GABRB2: variants seen among roughly 807,000 people sequenced by gnomAD.
GABRB2 encodes the protein gamma-aminobutyric acid type A receptor subunit beta2, also known as gamma-aminobutyric acid receptor subunit beta-2.
A neutral mutation model predicts 54.7 loss-of-function variants in GABRB2; 16 were observed. The ratio of observed to expected loss-of-function variants is 0.29; its 90% CI spans 0.20 to 0.44. GABRB2 has a LOEUF of 0.44. Among genes scored for constraint, GABRB2 ranks in the 20% least tolerant of loss-of-function variants. GABRB2 has a pLI of 1.00. For synonymous variants in GABRB2, 244 were observed against 233.8 expected, an observed-to-expected ratio of 1.04 and a Z score of -0.40; for missense variants, 355 against 644.0, an observed-to-expected ratio of 0.55 and a Z score of 4.86.
chr5:161,523,370 C>T (rs1232065364), intron 3 of GABRB2, among the ~76,000 whole-genome samples: 3 of 151,322 alleles, frequency 2.0e-5, no homozygotes, highest in Admixed American at 6.6e-5. Flanking sequence ...GCTAAAAATC[C>T]GACTGTGTTA....
At chr5:161,325,262 G>C (rs143199060) in intron 9 of GABRB2, among the ~76,000 whole-genome samples, 1 of 152,240 alleles carries the variant, frequency 6.6e-6, no homozygotes, top group East Asian at 1.9e-4. Context: ...GAGATAGTCT[G>C]AGAGCACAGA....
At chr5:161,315,365 G>T (rs1757991925) in intron 9 of GABRB2, among the ~76,000 whole-genome samples, 1 of 152,162 alleles carries the variant, frequency 6.6e-6, no homozygotes, top group African/African-American at 2.4e-5. Context: ...GAAACTGACT[G>T]CATTAATAAA....
chr5:161,446,562 C>T (rs1757619901), intron 4 of GABRB2, among the ~76,000 whole-genome samples: 2 of 152,116 alleles, frequency 1.3e-5, no homozygotes, highest in Admixed American at 1.3e-4. Context: ...ACTTTGGAGT[C>T]AGGCAGACTT....
upstream of GABRB2, chr5:161,546,848 ATG>A: frequency 9.1e-7 from 1 of 1,101,070 alleles, no homozygotes; most frequent in Non-Finnish European, 1.2e-6. Context: ...AAACATGTAT[ATG>A]TATAATACAT....
chr5:161,414,175 G>T (rs981866379), intron 4 of GABRB2, among the ~76,000 whole-genome samples: 10 of 152,252 alleles, frequency 6.6e-5, no homozygotes, highest in African/African-American at 2.4e-4. Flanking sequence ...GATTAGAACA[G>T]AAACTTTGGA....
At chr5:161,507,815 C>T (rs965337593) in intron 3 of GABRB2, among the ~76,000 whole-genome samples, 3 of 151,844 alleles carry the variant, frequency 2.0e-5, no homozygotes, top group Non-Finnish European at 4.4e-5. Context: ...ACCACTACAC[C>T]CCCACTAGAA....
chr5:161,398,878 C>T (rs1202640623), intron 5 of GABRB2, among the ~76,000 whole-genome samples: 2 of 152,022 alleles, frequency 1.3e-5, no homozygotes, highest in East Asian at 3.9e-4. Context: ...TTAGTAGAGA[C>T]TGGGTTTCAC....
At chr5:161,295,380 G>A (rs1757354990) in intron 9 of GABRB2, among the ~76,000 whole-genome samples, 2 of 152,236 alleles carry the variant, frequency 1.3e-5, no homozygotes, top group South Asian at 4.1e-4. Flanking sequence ...TGTTAAGAAG[G>A]GAAGATTTGT....
At chr5:161,351,380 C>G (rs2113435097) in intron 5 of GABRB2, among the ~76,000 whole-genome samples, 1 of 151,994 alleles carries the variant, frequency 6.6e-6, no homozygotes, top group African/African-American at 2.4e-5. Context: ...AATAAGGAGC[C>G]CAGAAATAAA....
intron 3 of GABRB2, among the ~76,000 whole-genome samples, chr5:161,498,278 A>G (rs1330699373): frequency 1.3e-5 from 2 of 151,896 alleles, no homozygotes; most frequent in African/African-American, 4.8e-5. Context: ...CTTCACATTA[A>G]CTCTCCTGGA....
chr5:161,402,161 T>C (rs977135279), intron 5 of GABRB2, among the ~76,000 whole-genome samples: 1 of 151,934 alleles, frequency 6.6e-6, no homozygotes, highest in African/African-American at 2.4e-5. Flanking sequence ...ATACAAATTA[T>C]AACACTTAAA....
At position 161,355,908 on chromosome 5, in the gene GABRB2, GA is replaced by G. The variant is rs1754612462; in HGVS notation, c.542-19140del. 2.0e-5 allele frequency among the ~76,000 whole-genome samples: 3 copies of G among 152,028 alleles called. 1 individual carries two copies. On this transcript the variant is annotated intron_variant, in intron 5 of 9. Transcript: ENST00000393959. ...ATGCAAAAGATTTTTATTTATACCA[GA>G]AAAAATATCTTACTCAAGAACCAAC...
chr5:161,328,201 G>A (rs1424831539), intron 8 of GABRB2, among the ~76,000 whole-genome samples: 1 of 152,094 alleles, frequency 6.6e-6, no homozygotes, highest in Non-Finnish European at 1.5e-5. Context: ...AAACATTCCT[G>A]TCTAAACAAT....
At chr5:161,368,492 C>G (rs1270725467) in intron 5 of GABRB2, among the ~76,000 whole-genome samples, 1 of 152,134 alleles carries the variant, frequency 6.6e-6, no homozygotes, top group Non-Finnish European at 1.5e-5. Context: ...TATCACTTTG[C>G]TCATTCTGTA....
At chr5:161,513,608 A>G (rs1323150067) in intron 3 of GABRB2, among the ~76,000 whole-genome samples, 1 of 152,020 alleles carries the variant, frequency 6.6e-6, no homozygotes, top group Non-Finnish European at 1.5e-5. Context: ...AGATGGCAGC[A>G]ATAGACTCTG....
chr5:161,288,564 A>G lies in GABRB2; in HGVS notation c.*5517T>C, dbSNP rs1757148349. Reference sequence around the variant, plus strand: ...AATAATTCTTATGTGCTATTCATTTATAATCCTCATTTTTTACTATCTCAT... The same window carrying G: ...AATAATTCTTATGTGCTATTCATTTGTAATCCTCATTTTTTACTATCTCAT... On this transcript the variant is annotated 3_prime_UTR_variant, in exon 10 of 10. Transcript: ENST00000393959. 6.6e-6 allele frequency: 1 copy of G among 152,642 alleles called. No individual in the cohort carries two copies. The highest frequency in any genetic ancestry group is 1.5e-5 in the Non-Finnish European group (1 of 68,032). The allele number at this position is 152,642 out of a possible 1,614,324, so 9.5% of individuals were successfully genotyped here.
chr5:161,543,498 A>G (rs956617777), intron 3 of GABRB2, among the ~76,000 whole-genome samples: 2 of 152,150 alleles, frequency 1.3e-5, no homozygotes, highest in South Asian at 2.1e-4. Flanking sequence ...GTGATGCTCT[A>G]AAGAGGGAGG....
rs1203497648 is a variant in GABRB2 at position 161,290,301 on chromosome 5, A to G, written c.*3780T>C. The G allele has an allele frequency of 6.6e-6, 1 of 152,072 alleles. No homozygotes were observed. The highest frequency in any genetic ancestry group is 1.5e-5 in the Non-Finnish European group (1 of 67,918). The allele number at this position is 152,072 out of a possible 1,614,324, so 9.4% of individuals were successfully genotyped here. A position where few individuals can be genotyped will look rare whatever the true frequency, so the allele number is the denominator to read the frequency against. On this transcript the variant is annotated 3_prime_UTR_variant, in exon 10 of 10. Transcript: ENST00000393959. Reference sequence around the variant, plus strand: ...ATTTTTATCATTTTTCATTTTCTTAAGACATGTTTGTTTTTGACTCACCAA... The same window carrying G: ...ATTTTTATCATTTTTCATTTTCTTAGGACATGTTTGTTTTTGACTCACCAA...
intron 3 of GABRB2, among the ~76,000 whole-genome samples, chr5:161,492,417 T>C (rs1424093026): frequency 6.6e-6 from 1 of 151,724 alleles, no homozygotes; most frequent in Non-Finnish European, 1.5e-5. Flanking sequence ...ATGCAGGCCT[T>C]AAAAGTTCTT....
Sources: gnomAD v4.1 joint callset for allele counts (sites outside exome capture counted in the v4.1 genomes callset) on GRCh38, gnomAD v4.1.1 for gene constraint, MANE v1.5 for transcripts, NCBI Gene and HGNC (gene_info 2026-07-23, HGNC 2026-07-21) for gene names.